The following NKX2-4 variants were observed in gnomAD, a reference collection of about 807,000 sequenced individuals.
The protein encoded by NKX2-4 is homeobox protein Nkx-2.4.
In NKX2-4, 6 loss-of-function variants were observed where a neutral mutation model predicts 8.6. That is an observed-to-expected ratio of 0.70 (90% CI 0.38 to 1.38). The LOEUF is 1.38. Among genes scored for constraint, NKX2-4 ranks in the 40% most tolerant of loss-of-function variants. The pLI is 0.02. For missense variants in NKX2-4, 601 were observed against 548.4 expected, an observed-to-expected ratio of 1.10 and a Z score of -0.96; for synonymous variants, 299 against 272.6, an observed-to-expected ratio of 1.10 and a Z score of -0.95.
chr20:21,396,818 G>T (rs1216369568), intron 1 of NKX2-4, 140 bp downstream of exon 1: 1 of 718,376 alleles, frequency 1.4e-6, no homozygotes, highest in East Asian at 3.9e-5. Context: ...GTCCCGGGCC[G>T]CGTCCCAGGA....
rs2039008031 is a variant in NKX2-4 at position 21,395,493 on chromosome 20, T to C, written c.*418A>G. 6.5e-6 allele frequency: 1 copy of C among 154,416 alleles called. No individual in the cohort carries two copies. The highest frequency in any genetic ancestry group is 2.1e-4 in the South Asian group (1 of 4,858). The allele number at this position is 154,416 out of a possible 1,614,324, so 9.6% of individuals were successfully genotyped here. The stretch of plus-strand genomic sequence containing the variant: ...CAATCAAACATTAATGAAATTGCAC[T>C]TAGGGGGCCCTTCGAAAATTAATCT... On this transcript the variant is annotated 3_prime_UTR_variant, in exon 2 of 2. Transcript: ENST00000351817.
At chr20:21,396,818 G>C in intron 1 of NKX2-4, 140 bp downstream of exon 1, 1 of 718,376 alleles carries the variant, frequency 1.4e-6, no homozygotes, top group Non-Finnish European at 1.9e-6. Flanking sequence ...GTCCCGGGCC[G>C]CGTCCCAGGA....
rs745344274 is a variant in NKX2-4 at position 21,397,189 on chromosome 20, T to C, written c.211A>G (p.Met71Val). 2.6e-5 allele frequency: 33 copies of C among 1,260,248 alleles called. No homozygotes were observed. The South Asian group carries it at 3.2e-4, about 12-fold the overall frequency. 78.1% of individuals were successfully genotyped at this position (1,260,248 alleles called of 1,614,324 possible). Residue 71 changes from methionine (M) to valine (V), a missense_variant, in exon 1 of 2, where the codon ATG becomes GTG. Physicochemically the swap from Met to Val is conservative, Grantham distance 21. Transcript: ENST00000351817. The part of the protein sequence containing the change: ...TVAGMQPSHA[M>V]AGHNAAAAAA... Reference sequence around the variant, plus strand: ...GCGGCCGCCGCGTTGTGACCCGCCATGGCGTGAGAAGGCTGCATGCCCGCC... The same window carrying C: ...GCGGCCGCCGCGTTGTGACCCGCCACGGCGTGAGAAGGCTGCATGCCCGCC...
In NKX2-4 at chr20:21,395,972, G is replaced by A; in HGVS notation, c.1004C>T (p.Ala335Val). The A allele has an allele frequency of 7.6e-7, 1 of 1,313,996 alleles. No homozygotes were observed. Among genetic ancestry groups the A allele is most frequent in the Non-Finnish European group, 9.7e-7 (1 of 1,031,910 alleles). The allele number at this position is 1,313,996 out of a possible 1,614,324, so 81.4% of individuals were successfully genotyped here. ...GACGCCGCCGCTGTACTCCCCGGCGGCCGCGTCCAGGGCCGCCAGGCCGCC... is the reference window on the plus strand; with the variant it reads ...GACGCCGCCGCTGTACTCCCCGGCGACCGCGTCCAGGGCCGCCAGGCCGCC... ...PGGGLAALDA[A>V]AGEYSGGVLG... Residue 335 changes from alanine to valine, a missense_variant, in exon 2 of 2, where the codon GCC becomes GTC. Physicochemically the swap from Ala to Val is moderately conservative, Grantham distance 64. Coordinates refer to ENST00000351817, the MANE Select transcript of NKX2-4 (RefSeq NM_033176.2).
At position 21,396,208 on chromosome 20, in the gene NKX2-4, C is replaced by T; in HGVS notation, c.768G>A (p.Leu256=). The T allele has an allele frequency of 6.4e-7, 1 of 1,571,288 alleles. No homozygotes were observed. The highest frequency in any genetic ancestry group is 8.6e-7 in the Non-Finnish European group (1 of 1,162,898). Residue 256 remains leucine, a synonymous_variant, in exon 2 of 2, where the codon CTG becomes CTA. Coordinates refer to ENST00000351817, the MANE Select transcript of NKX2-4 (RefSeq NM_033176.2). Reference sequence around the variant, plus strand: ...GCGGGCCCAGGCCGCCCTCCTGCTGCAGCTGCTGCGCCGCCTTGTCCTTGG... The same window carrying T: ...GCGGGCCCAGGCCGCCCTCCTGCTGTAGCTGCTGCGCCGCCTTGTCCTTGG... The part of the protein sequence containing the change: ...RQAKDKAAQQ[L]QQEGGLGPPP...
At position 21,395,843 on chromosome 20, in the gene NKX2-4, A is replaced by C; in HGVS notation, c.*68T>G. 1.6e-6 allele frequency: 2 copies of C among 1,246,266 alleles called. No homozygotes were observed. The highest frequency in any genetic ancestry group is 2.0e-6 in the Non-Finnish European group (2 of 978,770). 77.2% of individuals were successfully genotyped at this position (1,246,266 alleles called of 1,614,324 possible). ...GAGTCGGTTTTCGCATGCCTCCCCC[A>C]TCCGTTCTAGCAGTTTCTTGCAGAC... On this transcript the variant is annotated 3_prime_UTR_variant, in exon 2 of 2. Transcript: ENST00000351817.
chr20:21,395,863 G>A lies in NKX2-4; in HGVS notation c.*48C>T. The A allele has an allele frequency of 7.8e-7, 1 of 1,286,396 alleles. No homozygotes were observed. The highest frequency in any genetic ancestry group is 9.9e-7 in the Non-Finnish European group (1 of 1,012,580). The allele number at this position is 1,286,396 out of a possible 1,614,324, so 79.7% of individuals were successfully genotyped here. On this transcript the variant is annotated 3_prime_UTR_variant, in exon 2 of 2. Transcript: ENST00000351817. Reference sequence around the variant, plus strand: ...CCCCCATCCGTTCTAGCAGTTTCTTGCAGACCCTTCGGGTGCACCAGGACC... The same window carrying A: ...CCCCCATCCGTTCTAGCAGTTTCTTACAGACCCTTCGGGTGCACCAGGACC...
At position 21,397,148 on chromosome 20, in the gene NKX2-4, TGCTGCCGCCGCCGCC is replaced by T. The variant is rs1321015492; in HGVS notation, c.237_251del (p.Ala87_Ala91del). On this transcript the variant is annotated inframe_deletion, in exon 1 of 2. Transcript: ENST00000351817. ...AGGTGGCGGCCGCCGCCGCCGCAGC[TGCTGCCGCCGCCGCC>T]GCGGCCGCCGCGTTGTGACCCGCCA... is the stretch of plus-strand genomic sequence containing the variant. The T allele has an allele frequency of 3.9e-6, 5 of 1,270,320 alleles. No homozygotes were observed. Among genetic ancestry groups the T allele is most frequent in the Admixed American group, 8.6e-5 (2 of 23,164 alleles). The allele number at this position is 1,270,320 out of a possible 1,614,324, so 78.7% of individuals were successfully genotyped here. A position where few individuals can be genotyped will look rare whatever the true frequency, so the allele number is the denominator to read the frequency against.
Position 21,397,043 on chromosome 20 carries a change from G to A in NKX2-4, c.357C>T (p.Gly119=), listed in dbSNP as rs1182040680. The A allele has an allele frequency of 6.9e-7, 1 of 1,442,544 alleles. No homozygotes were observed. The highest frequency in any genetic ancestry group is 9.1e-7 in the Non-Finnish European group (1 of 1,097,458). The allele number at this position is 1,442,544 out of a possible 1,614,324, so 89.4% of individuals were successfully genotyped here. A position where few individuals can be genotyped will look rare whatever the true frequency, so the allele number is the denominator to read the frequency against. ...TGCCGTCCGTGTAGGCGGGCAGCTC[G>A]CCCATGTTGCCCAGGCCGCCGTTGC... is the stretch of plus-strand genomic sequence containing the variant. ...SYCNGGLGNM[G]ELPAYTDGMR... Residue 119 remains glycine (G), a synonymous_variant, in exon 1 of 2, where the codon GGC becomes GGT. Coordinates refer to ENST00000351817, the MANE Select transcript of NKX2-4 (RefSeq NM_033176.2).
rs1308422305 is a variant in NKX2-4, at chr20:21,395,782, G to C, written c.*129C>G. ...AGAGGTTCACAGCCTGCTCCTCTCT[G>C]AGACCGGTTCGTTTTGAATCGCAGT... On this transcript the variant is annotated 3_prime_UTR_variant, in exon 2 of 2. Transcript: ENST00000351817. 5.1e-6 allele frequency: 4 copies of C among 783,210 alleles called. No individual in the cohort carries two copies. The highest frequency in any genetic ancestry group is 3.6e-5 in the African/African-American group (2 of 56,220). 48.5% of individuals were successfully genotyped at this position (783,210 alleles called of 1,614,324 possible).
Position 21,397,145 on chromosome 20 carries a change from A to T in NKX2-4, c.255T>A (p.Ala85=), listed in dbSNP as rs1258159893. Residue 85 remains alanine, a synonymous_variant, in exon 1 of 2, where the codon GCT becomes GCA. Coordinates refer to ENST00000351817, the MANE Select transcript of NKX2-4 (RefSeq NM_033176.2). ...GGTAGGTGGCGGCCGCCGCCGCCGCAGCTGCTGCCGCCGCCGCCGCGGCCG... is the reference window on the plus strand; with the variant it reads ...GGTAGGTGGCGGCCGCCGCCGCCGCTGCTGCTGCCGCCGCCGCCGCGGCCG... ...NAAAAAAAAA[A]AAAAAATYHM... 4.7e-6 allele frequency: 6 copies of T among 1,272,138 alleles called. No individual in the cohort carries two copies. In the South Asian group the frequency reaches 1.1e-4, roughly 23 times the overall value. The allele number at this position is 1,272,138 out of a possible 1,614,324, so 78.8% of individuals were successfully genotyped here. A position where few individuals can be genotyped will look rare whatever the true frequency, so the allele number is the denominator to read the frequency against.
rs199747643 is a variant in NKX2-4, at chr20:21,396,445, G to C, written c.531C>G (p.Gly177=). The change falls in exon 2 of 2, where the codon GGC becomes GGG. Residue 177 remains glycine, a synonymous_variant. Transcript: ENST00000351817. ...CTGCCGCCGCCGCCGCGTGCAGCGGGCCCAGCGACTTGGCGGCGTCCGCGA... is the reference window on the plus strand; with the variant it reads ...CTGCCGCCGCCGCCGCGTGCAGCGGCCCCAGCGACTTGGCGGCGTCCGCGA... ...TGIADAAKSL[G]PLHAAAAAAA... 4.0e-6 allele frequency: 6 copies of C among 1,506,364 alleles called. No homozygotes were observed. The highest frequency in any genetic ancestry group is 4.4e-6 in the Non-Finnish European group (5 of 1,137,450). 93.3% of individuals were successfully genotyped at this position (1,506,364 alleles called of 1,614,324 possible). A position where few individuals can be genotyped will look rare whatever the true frequency, so the allele number is the denominator to read the frequency against.
chr20:21,396,017 G>C lies in NKX2-4; in HGVS notation c.959C>G (p.Pro320Arg), dbSNP rs2039013939. Residue 320 changes from proline (P) to arginine (R), a missense_variant, in exon 2 of 2, where the codon CCC becomes CGC. By Grantham distance (103) the Pro-to-Arg change is moderately radical. Transcript: ENST00000351817. ...GCCGCCCCCCGGGCCGTGCAGCGCG[G>C]GTGGGCTGGGCGACAGCTCCTCCAG... ...PELEELSPSP[P>R]ALHGPGGGLA... 1 of 1,259,050 alleles carries C rather than the reference G, an allele frequency of 7.9e-7. No individual in the cohort carries two copies. Among genetic ancestry groups the C allele is most frequent in the Non-Finnish European group, 9.9e-7 (1 of 1,007,762 alleles). The allele number at this position is 1,259,050 out of a possible 1,614,324, so 78.0% of individuals were successfully genotyped here.
Position 21,396,988 on chromosome 20 carries a change from C to A in NKX2-4, c.412G>T (p.Gly138Cys). The change falls in exon 1 of 2, where the codon GGC (glycine) becomes TGC (cysteine). Residue 138 changes from glycine (G) to cysteine (C), a missense_variant. By Grantham distance (159) the Gly-to-Cys change is radical (BLOSUM62 -3). Transcript: ENST00000351817. The stretch of plus-strand genomic sequence containing the variant: ...GAGTAGCGTGGGTCCGGGTTGGCGC[C>A]GTACCAGCCGGTGGCCGCGCCGCCC... ...MRGGAATGWY[G>C]ANPDPRYSSI... The A allele has an allele frequency of 6.8e-7, 1 of 1,476,546 alleles. No individual in the cohort carries two copies. The highest frequency in any genetic ancestry group is 1.5e-5 in the African/African-American group (1 of 68,942). The allele number at this position is 1,476,546 out of a possible 1,614,324, so 91.5% of individuals were successfully genotyped here.
rs747994584 is a variant in NKX2-4 at position 21,396,454 on chromosome 20, C to G, written c.522G>C (p.Lys174Asn). 4.7e-6 allele frequency: 7 copies of G among 1,493,982 alleles called. No homozygotes were observed. In the African/African-American group the frequency reaches 1.0e-4, roughly 22 times the overall value. 92.5% of individuals were successfully genotyped at this position (1,493,982 alleles called of 1,614,324 possible). Residue 174 changes from lysine (K) to asparagine (N), a missense_variant, in exon 2 of 2, where the codon AAG becomes AAC. Coordinates refer to ENST00000351817, the MANE Select transcript of NKX2-4 (RefSeq NM_033176.2). Reference sequence around the variant, plus strand: ...CCGCCGCGTGCAGCGGGCCCAGCGACTTGGCGGCGTCCGCGATGCCGGTCA... The same window carrying G: ...CCGCCGCGTGCAGCGGGCCCAGCGAGTTGGCGGCGTCCGCGATGCCGGTCA... ...GSLTGIADAAKSLGPLHAAAA... is the reference protein window; with the variant it reads ...GSLTGIADAANSLGPLHAAAA...
chr20:21,396,429 C>T lies in NKX2-4; in HGVS notation c.547G>A (p.Ala183Thr). The T allele has an allele frequency of 6.6e-7, 1 of 1,519,110 alleles. No individual in the cohort carries two copies. The highest frequency in any genetic ancestry group is 2.6e-5 in the East Asian group (1 of 38,272). 94.1% of individuals were successfully genotyped at this position (1,519,110 alleles called of 1,614,324 possible). ...AKSLGPLHAA[A>T]AAAAPRRKRR... is the part of the protein sequence containing the mutation. ...TTCCTTCGCGGAGCGGCTGCCGCCG[C>T]CGCCGCGTGCAGCGGGCCCAGCGAC... Residue 183 changes from alanine to threonine, a missense_variant, in exon 2 of 2, where the codon GCG (alanine) becomes ACG (threonine). Physicochemically the swap from Ala to Thr is moderately conservative, Grantham distance 58. Coordinates refer to ENST00000351817, the MANE Select transcript of NKX2-4 (RefSeq NM_033176.2).
chr20:21,397,285 C>T lies in NKX2-4; in HGVS notation c.115G>A (p.Gly39Arg). 7.8e-7 allele frequency: 1 copy of T among 1,283,028 alleles called. No homozygotes were observed. Among genetic ancestry groups the T allele is most frequent in the Non-Finnish European group, 9.8e-7 (1 of 1,019,964 alleles). The allele number at this position is 1,283,028 out of a possible 1,614,324, so 79.5% of individuals were successfully genotyped here. Residue 39 changes from glycine to arginine, a missense_variant, in exon 1 of 2, where the codon GGG (glycine) becomes AGG (arginine). Gly to Arg is a moderately radical substitution (Grantham distance 125). Coordinates refer to ENST00000351817, the MANE Select transcript of NKX2-4 (RefSeq NM_033176.2). ...GCGGCCGCGGCCCCCAGGGGCGCCC[C>T]CAGGCCGGGTGGCGCGCCGTCCATG... ...GAMDGAPPGL[G>R]APLGAAAAYR...
Position 21,395,487 on chromosome 20 carries a change from T to C in NKX2-4, c.*424A>G, listed in dbSNP as rs1198694773. Reference sequence around the variant, plus strand: ...TACTTTCAATCAAACATTAATGAAATTGCACTTAGGGGGCCCTTCGAAAAT... The same window carrying C: ...TACTTTCAATCAAACATTAATGAAACTGCACTTAGGGGGCCCTTCGAAAAT... On this transcript the variant is annotated 3_prime_UTR_variant, in exon 2 of 2. Transcript: ENST00000351817. The C allele has an allele frequency of 6.5e-6, 1 of 153,916 alleles. No homozygotes were observed. Among genetic ancestry groups the C allele is most frequent in the African/African-American group, 2.4e-5 (1 of 41,524 alleles). 9.5% of individuals were successfully genotyped at this position (153,916 alleles called of 1,614,324 possible). A position where few individuals can be genotyped will look rare whatever the true frequency, so the allele number is the denominator to read the frequency against.
chr20:21,396,814 G>C, intron 1 of NKX2-4, 144 bp downstream of exon 1: 3 of 698,914 alleles, frequency 4.3e-6, no homozygotes, highest in Non-Finnish European at 5.9e-6. Context: ...GCGCGTCCCG[G>C]GCCGCGTCCC....
Sources: gnomAD v4.1 joint callset for allele counts on GRCh38, gnomAD v4.1.1 for gene constraint, MANE v1.5 for transcripts, NCBI Gene and HGNC (gene_info 2026-07-23, HGNC 2026-07-21) for gene names.